EDIL3: variants seen among roughly 807,000 people sequenced by gnomAD.
The protein encoded by EDIL3 is EGF like and discoidin domains 3.
In EDIL3, 37 loss-of-function variants were observed where a neutral mutation model predicts 67.4. The ratio of observed to expected loss-of-function variants is 0.55; its 90% confidence interval spans 0.42 to 0.72. The LOEUF is 0.72. EDIL3 is among the 30% of genes least tolerant of loss of function. The pLI, the probability that EDIL3 is intolerant of heterozygous loss-of-function variation, is 0.00. For missense variants in EDIL3, 527 were observed against 586.3 expected (o/e 0.90, Z 1.04); for synonymous variants, 195 against 196.3 (o/e 0.99, Z 0.05).
At chr5:84,019,437 A>G (rs543697083) in intron 9 of EDIL3, among the ~76,000 whole-genome samples, 1 of 152,210 alleles carries the variant, frequency 6.6e-6, no homozygotes, top group East Asian at 1.9e-4. Flanking sequence ...AGATATATCT[A>G]ATGCTAAATG....
At chr5:83,989,948 A>G (rs866431296) in intron 9 of EDIL3, among the ~76,000 whole-genome samples, 1 of 152,234 alleles carries the variant, frequency 6.6e-6, no homozygotes, top group African/African-American at 2.4e-5. Flanking sequence ...CAACTAGCAA[A>G]AGGGCTGGGC....
At chr5:83,946,152 C>T (rs1744304382) in intron 10 of EDIL3, among the ~76,000 whole-genome samples, 1 of 151,930 alleles carries the variant, frequency 6.6e-6, no homozygotes, top group Non-Finnish European at 1.5e-5. Context: ...GAGACATAAG[C>T]ATCTGAACTA....
At chr5:84,340,455 A>G (rs1167145149) in intron 1 of EDIL3, among the ~76,000 whole-genome samples, 1 of 143,964 alleles carries the variant, frequency 6.9e-6, no homozygotes. Flanking sequence ...TGGGAATTTT[A>G]ATTAGTAGCT....
intron 9 of EDIL3, among the ~76,000 whole-genome samples, chr5:83,986,217 C>G (rs1331095756): frequency 6.6e-6 from 1 of 152,032 alleles, no homozygotes; most frequent in African/African-American, 2.4e-5. Flanking sequence ...AGTCATCAAG[C>G]AATCCCCAAT....
intron 6 of EDIL3, among the ~76,000 whole-genome samples, chr5:84,077,087 CTCT>C (rs1398727322): frequency 6.6e-6 from 1 of 152,164 alleles, no homozygotes; most frequent in East Asian, 1.9e-4. Context: ...ATTGGATACT[CTCT>C]TTTTTTACTC....
chr5:83,974,782 G>GTA (rs1580260492), intron 9 of EDIL3, among the ~76,000 whole-genome samples: 3 of 151,840 alleles, frequency 2.0e-5, no homozygotes, highest in South Asian at 4.1e-4. Context: ...TATTTATTGT[G>GTA]TATATATATC....
At chr5:84,051,978 G>A (rs975764145) in intron 9 of EDIL3, among the ~76,000 whole-genome samples, 1 of 152,182 alleles carries the variant, frequency 6.6e-6, no homozygotes, top group South Asian at 2.1e-4. Flanking sequence ...GATACTCCTC[G>A]AGAAGAGCAA....
intron 1 of EDIL3, among the ~76,000 whole-genome samples, chr5:84,374,423 T>A (rs1032673402): frequency 3.9e-5 from 6 of 152,196 alleles, no homozygotes; most frequent in Non-Finnish European, 1.5e-5. Flanking sequence ...AGTAGAAATG[T>A]TTCCTAAAGT....
Position 84,057,625 on chromosome 5 carries a change from C to T in EDIL3, c.1137+2675G>A, listed in dbSNP as rs564466216. 2.6e-3 allele frequency among the ~76,000 whole-genome samples: 389 copies of T among 152,022 alleles called. 3 individuals are homozygous for T. Among genetic ancestry groups the T allele is most frequent in the Non-Finnish European group, 4.6e-3 (312 of 67,942 alleles). On this transcript the variant is annotated intron_variant, in intron 9 of 10. Transcript: ENST00000296591. The stretch of plus-strand genomic sequence containing the variant: ...CTATATATTATAAAAATTTAGTTTC[C>T]TTATTTAAAAAAAAGTCAGCTCTTC...
intron 6 of EDIL3, among the ~76,000 whole-genome samples, chr5:84,105,932 A>C (rs1184540290): frequency 6.6e-6 from 1 of 152,012 alleles, no homozygotes; most frequent in Non-Finnish European, 1.5e-5. Flanking sequence ...CCTTTAGTAC[A>C]CATCAATGAC....
intron 9 of EDIL3, among the ~76,000 whole-genome samples, chr5:83,977,952 T>C (rs1172982934): frequency 2.0e-5 from 3 of 151,876 alleles, no homozygotes; most frequent in Non-Finnish European, 4.4e-5. Context: ...AAGAATCTCC[T>C]TCAAATCAGA....
intron 10 of EDIL3, among the ~76,000 whole-genome samples, chr5:83,961,794 T>A (rs1051161010): frequency 3.3e-5 from 5 of 151,358 alleles, no homozygotes; most frequent in African/African-American, 1.2e-4. Flanking sequence ...GCTCACAAAA[T>A]AAGTTTGAAA....
At chr5:84,348,593 CAA>C (rs34145102) in intron 1 of EDIL3, among the ~76,000 whole-genome samples, 379 of 139,060 alleles carry the variant, frequency 2.7e-3, no homozygotes, top group East Asian at 7.6e-3. Context: ...TCCTCTGTGG[CAA>C]AAAAAAAAAA....
At chr5:84,286,710 T>C (rs1408431325) in intron 1 of EDIL3, among the ~76,000 whole-genome samples, 1 of 152,226 alleles carries the variant, frequency 6.6e-6, no homozygotes, top group Non-Finnish European at 1.5e-5. Flanking sequence ...GCAGGGTTTA[T>C]TTGTTCTTTC....
chr5:84,055,355 C>A lies in EDIL3; in HGVS notation c.1137+4945G>T, dbSNP rs1489651958. On this transcript the variant is annotated intron_variant, in intron 9 of 10. Coordinates refer to ENST00000296591, the MANE Select transcript of EDIL3 (RefSeq NM_005711.5). ...TGTTAGACCTAAAACCATAAAAACC[C>A]GAGAAGAAAACCTAGGCTATACCAT... Among the ~76,000 whole-genome samples the A allele has an allele frequency of 2.1e-5, 3 of 146,180 alleles. 1 individual carries two copies. The highest frequency in any genetic ancestry group is 4.4e-4 in the South Asian group (2 of 4,534).
chr5:84,105,586 T>C (rs991322461), intron 6 of EDIL3, among the ~76,000 whole-genome samples: 2 of 152,006 alleles, frequency 1.3e-5, no homozygotes, highest in Admixed American at 6.6e-5. Flanking sequence ...AGTAAACAGA[T>C]AGAACAGATC....
At chr5:84,351,962 A>T (rs2112189991) in intron 1 of EDIL3, among the ~76,000 whole-genome samples, 1 of 152,238 alleles carries the variant, frequency 6.6e-6, no homozygotes, top group East Asian at 1.9e-4. Flanking sequence ...AAACCCATTA[A>T]AAAGTGGGCA....
intron 3 of EDIL3, among the ~76,000 whole-genome samples, chr5:84,189,156 G>C (rs991471951): frequency 3.9e-5 from 6 of 152,020 alleles, no homozygotes; most frequent in African/African-American, 1.4e-4. Context: ...TCTCGTCACA[G>C]AGTAGTGGTG....
chr5:84,163,406 T>G (rs1392110740), intron 4 of EDIL3, among the ~76,000 whole-genome samples: 1 of 152,108 alleles, frequency 6.6e-6, no homozygotes, highest in Non-Finnish European at 1.5e-5. Flanking sequence ...TATATTCCTA[T>G]GAGTTTAAAA....
Sources: allele counts gnomAD v4.1 joint callset (sites outside exome capture counted in the v4.1 genomes callset), GRCh38; gene constraint gnomAD v4.1.1; transcripts MANE v1.5; gene names NCBI Gene and HGNC (gene_info 2026-07-23, HGNC 2026-07-21).